Variants in EFCAB11 observed in about 807,000 individuals in gnomAD.
EFCAB11 encodes EF-hand calcium binding domain 11.
A neutral mutation model predicts 23.0 loss-of-function variants in EFCAB11; 14 were observed. That is an observed-to-expected ratio of 0.61 (90% CI 0.40 to 0.95). EFCAB11 has a LOEUF of 0.95. EFCAB11 is among the 40% of genes least tolerant of loss of function. EFCAB11 has a pLI of 0.00. For synonymous variants in EFCAB11, 65 were observed against 66.6 expected (o/e 0.98, Z 0.11); for missense variants, 198 against 195.8 (o/e 1.01, Z -0.07).
intron 5 of EFCAB11, among the ~76,000 whole-genome samples, chr14:89,883,187 TA>T (rs1364977062): frequency 1.3e-5 from 2 of 152,192 alleles, no homozygotes; most frequent in Non-Finnish European, 2.9e-5. Flanking sequence ...GGTATTCCTT[TA>T]AAGCAACACA....
Position 89,949,988 on chromosome 14 carries a change from T to C in EFCAB11, c.217+109A>G, listed in dbSNP as rs917917122. 3.7e-5 allele frequency: 44 copies of C among 1,195,030 alleles called. No homozygotes were observed. In the African/African-American group the frequency reaches 5.0e-4, roughly 14 times the overall value. The allele number at this position is 1,195,030 out of a possible 1,614,324, so 74.0% of individuals were successfully genotyped here. A position where few individuals can be genotyped will look rare whatever the true frequency, so the allele number is the denominator to read the frequency against. ...CATGATTCAGTTACCTTCCACCAGG[T>C]CCCTTCCACAACACATAGGAATTTG... On this transcript the variant is annotated intron_variant, in intron 3 of 5. Transcript: ENST00000316738.
intron 5 of EFCAB11, chr14:89,924,033 T>C (rs577194280): frequency 2.0e-6 from 2 of 985,536 alleles, no homozygotes; most frequent in East Asian, 1.1e-4. Context: ...CTTACCCCTA[T>C]AATGGCTGTG....
intron 5 of EFCAB11, among the ~76,000 whole-genome samples, chr14:89,903,534 C>T (rs929607606): frequency 6.7e-6 from 1 of 149,744 alleles, no homozygotes; most frequent in Admixed American, 6.7e-5. Flanking sequence ...TGCTATTTGA[C>T]GAATAGAGAA....
chr14:89,856,699 T>A (rs1023808862), intron 5 of EFCAB11, among the ~76,000 whole-genome samples: 6 of 152,208 alleles, frequency 3.9e-5, no homozygotes, highest in African/African-American at 1.4e-4. Flanking sequence ...ACTGGGCACC[T>A]TTTCATGTAC....
chr14:89,866,060 C>T (rs1274539781), intron 5 of EFCAB11, among the ~76,000 whole-genome samples: 1 of 152,134 alleles, frequency 6.6e-6, no homozygotes, highest in Admixed American at 6.5e-5. Context: ...GCCGGGATTA[C>T]AGGCATGAGT....
intron 5 of EFCAB11, among the ~76,000 whole-genome samples, chr14:89,884,370 GAGCTCCCTTAATCTA>G (rs767363435): frequency 6.6e-6 from 1 of 151,978 alleles, no homozygotes; most frequent in Non-Finnish European, 1.5e-5. Context: ...AGCAAAGCAG[GAGCTCCCTTAATCTA>G]ATAAAGGTTA....
At chr14:89,893,189 C>G (rs748679647) in intron 5 of EFCAB11, among the ~76,000 whole-genome samples, 1 of 152,212 alleles carries the variant, frequency 6.6e-6, no homozygotes, top group Non-Finnish European at 1.5e-5. Flanking sequence ...CGTCAGGAAG[C>G]TGCTGCATGA....
chr14:89,938,971 C>CAA (rs11289812), intron 3 of EFCAB11, among the ~76,000 whole-genome samples: 58 of 80,368 alleles, frequency 7.2e-4, no homozygotes, highest in African/African-American at 1.7e-3. Context: ...AACAACAAAG[C>CAA]AAAAAAAAAA....
chr14:89,812,576 G>C (rs916847203), intron 5 of EFCAB11, among the ~76,000 whole-genome samples: 4 of 152,220 alleles, frequency 2.6e-5, no homozygotes, highest in Non-Finnish European at 5.9e-5. Flanking sequence ...TGTGTCCCTG[G>C]AGTAAGAATA....
At position 89,794,808 on chromosome 14, in the gene EFCAB11, G is replaced by A. The variant is rs1885520309; in HGVS notation, c.*2435C>T. ...ATTTTAGAATAGTTTTAGATTTATAGAAAAATTGTGAAAATAGTAGAGGGT... is the reference window on the plus strand; with the variant it reads ...ATTTTAGAATAGTTTTAGATTTATAAAAAAATTGTGAAAATAGTAGAGGGT... On this transcript the variant is annotated 3_prime_UTR_variant, in exon 6 of 6. Coordinates refer to ENST00000316738, the MANE Select transcript of EFCAB11 (RefSeq NM_145231.4). The A allele has an allele frequency of 1.3e-5, 2 of 151,878 alleles. No homozygotes were observed. Among genetic ancestry groups the A allele is most frequent in the South Asian group, 4.2e-4 (2 of 4,810 alleles). The allele number at this position is 151,878 out of a possible 1,614,324, so 9.4% of individuals were successfully genotyped here.
chr14:89,951,916 C>T (rs1891182779), intron 2 of EFCAB11, among the ~76,000 whole-genome samples: 1 of 152,128 alleles, frequency 6.6e-6, no homozygotes, highest in African/African-American at 2.4e-5. Context: ...CAGAGCAAGA[C>T]TGCATCTCAA....
intron 3 of EFCAB11, among the ~76,000 whole-genome samples, chr14:89,949,840 C>T (rs188868267): frequency 2.0e-5 from 3 of 152,246 alleles, no homozygotes; most frequent in South Asian, 2.1e-4. Context: ...GAGCAAGTCA[C>T]GTCTTACATG....
intron 2 of EFCAB11, among the ~76,000 whole-genome samples, chr14:89,950,927 G>A (rs965252478): frequency 2.0e-5 from 3 of 151,794 alleles, no homozygotes; most frequent in Non-Finnish European, 4.4e-5. Flanking sequence ...ATTCCCTAAC[G>A]TTCTATCCTC....
At chr14:89,947,679 C>T (rs1236439788) in intron 3 of EFCAB11, among the ~76,000 whole-genome samples, 1 of 152,152 alleles carries the variant, frequency 6.6e-6, no homozygotes, top group African/African-American at 2.4e-5. Context: ...GGCTTTTGAT[C>T]AAACACTCTT....
At chr14:89,798,769 C>T (rs139817834) in intron 5 of EFCAB11, among the ~76,000 whole-genome samples, 1 of 152,096 alleles carries the variant, frequency 6.6e-6, no homozygotes, top group Admixed American at 6.6e-5. Context: ...TCTCAGTAAA[C>T]GACCTCATTG....
At chr14:89,900,491 T>A (rs1889307286) in intron 5 of EFCAB11, among the ~76,000 whole-genome samples, 1 of 152,106 alleles carries the variant, frequency 6.6e-6, no homozygotes. Context: ...CACACATACA[T>A]CTATAAGAAA....
At chr14:89,917,052 TCGTGTGTGTGTG>T (rs1378289574) in intron 5 of EFCAB11, among the ~76,000 whole-genome samples, 153 of 116,898 alleles carry the variant, frequency 1.3e-3, no homozygotes, top group Middle Eastern at 9.1e-3. Flanking sequence ...CTGACATGCT[TCGTGTGTGTGTG>T]TGTGTGTGTG....
chr14:89,898,031 G>T (rs577923059), intron 5 of EFCAB11, among the ~76,000 whole-genome samples: 1 of 152,144 alleles, frequency 6.6e-6, no homozygotes, highest in African/African-American at 2.4e-5. Context: ...TGAAACCTAA[G>T]GAATTCTAGC....
At chr14:89,951,357 T>C (rs934411429) in intron 2 of EFCAB11, among the ~76,000 whole-genome samples, 1 of 152,188 alleles carries the variant, frequency 6.6e-6, no homozygotes, top group African/African-American at 2.4e-5. Flanking sequence ...AAAGTGTTCC[T>C]AGATACTTAT....
Sources: gnomAD v4.1 joint callset for allele counts (sites outside exome capture counted in the v4.1 genomes callset) on GRCh38, gnomAD v4.1.1 for gene constraint, MANE v1.5 for transcripts, NCBI Gene and HGNC (gene_info 2026-07-23, HGNC 2026-07-21) for gene names.